Variants in NPC1 observed in about 807,000 individuals in gnomAD.
NPC1 encodes Niemann-Pick C1 protein.
Under a neutral mutation model 140.4 loss-of-function variants are expected in NPC1, and 85 were observed. The ratio of observed to expected loss-of-function variants is 0.61; its 90% CI spans 0.51 to 0.72. The LOEUF (loss-of-function observed/expected upper bound fraction) is 0.72. NPC1 is among the 30% of genes least tolerant of loss of function. The pLI, the probability that NPC1 is intolerant of heterozygous loss-of-function variation, is 0.00. For missense variants in NPC1, 1,504 were observed against 1,623.8 expected (o/e 0.93, Z 1.27); for synonymous variants, 656 against 624.8 (o/e 1.05, Z -0.74).
chr18:23,533,585 A>G, intron 23 of NPC1, 68 bp from the exon 24 acceptor site: 1 of 1,472,248 alleles, frequency 6.8e-7, no homozygotes, highest in Non-Finnish European at 9.5e-7. Context: ...ACACTTCCTT[A>G]CAAGGATTTC....
At chr18:23,524,014 C>A in intron 1 of NPC1, 1 of 1,167,144 alleles carries the variant, frequency 8.6e-7, no homozygotes. Flanking sequence ...TCCTTGACTA[C>A]AATTGAATAA....
chr18:23,556,542 C>T lies in NPC1; in HGVS notation c.1027G>A (p.Gly343Arg). 6.2e-7 allele frequency: 1 copy of T among 1,614,136 alleles called. No individual in the cohort carries two copies. Among genetic ancestry groups the T allele is most frequent in the Non-Finnish European group, 8.5e-7 (1 of 1,180,026 alleles). The change falls in exon 8 of 25, where the codon GGG (glycine) becomes AGG (arginine). Residue 343 changes from glycine (G) to arginine (R), a missense_variant. Coordinates refer to ENST00000269228, the MANE Select transcript of NPC1 (RefSeq NM_000271.5). Reference sequence around the variant, plus strand: ...CCAGGGTTTCGGACGCAGAAAGACCCCCAGCGTGTGAACAGCCGCCTCAAG... The same window carrying T: ...CCAGGGTTTCGGACGCAGAAAGACCTCCAGCGTGTGAACAGCCGCCTCAAG... The part of the protein sequence containing the change: ...GCLRRLFTRW[G>R]SFCVRNPGCV...
At position 23,561,355 on chromosome 18, in the gene NPC1, C is replaced by T; in HGVS notation, c.631+5G>A. 4 of 1,614,122 alleles carry T rather than the reference C, an allele frequency of 2.5e-6. No homozygotes were observed. In the South Asian group the frequency reaches 4.4e-5, roughly 18 times the overall value. ...ACACACCAAACTTGGAATCTTTATA[C>T]CTACCTGAAAACACAGGAGTGATGG... On this transcript the variant is annotated splice_donor_5th_base_variant and intron_variant, in intron 5 of 24. Transcript: ENST00000269228.
rs2145485716 is a variant in NPC1, at chr18:23,561,532, A to G, written c.464-5T>C. The G allele has an allele frequency of 4.3e-6, 7 of 1,613,950 alleles. No homozygotes were observed. In the East Asian group the frequency reaches 1.6e-4, roughly 36 times the overall value. On this transcript the variant is annotated splice_polypyrimidine_tract_variant and splice_region_variant and intron_variant, in intron 4 of 24. Coordinates refer to ENST00000269228, the MANE Select transcript of NPC1 (RefSeq NM_000271.5). ...CCCGGCAGGCATTGTACATTGCTAG[A>G]AGAGGAAACCCAAAGGAAAAAGGAG... is the stretch of plus-strand genomic sequence containing the variant.
intron 1 of NPC1, among the ~76,000 whole-genome samples, chr18:23,523,631 G>A (rs1411573157): frequency 6.6e-6 from 1 of 151,552 alleles, no homozygotes; most frequent in South Asian, 2.1e-4. Flanking sequence ...GCTGAGGCAG[G>A]AGGACCACTT....
downstream of NPC1, among the ~76,000 whole-genome samples, chr18:23,521,098 GC>G (rs2058131130): frequency 6.6e-6 from 1 of 151,940 alleles, no homozygotes; most frequent in African/African-American, 2.4e-5. Context: ...CAGGTGATCC[GC>G]CTGCCTCGCT....
chr18:23,548,247 G>A (rs1200902665), intron 10 of NPC1, 139 bp from the exon 11 acceptor site: 1 of 683,346 alleles, frequency 1.5e-6, no homozygotes, highest in East Asian at 2.7e-5. Flanking sequence ...TTAAACAAGA[G>A]TTTGCTGAAA....
Position 23,539,454 on chromosome 18 carries a change from C to T in NPC1, c.2812G>A (p.Ala938Thr), listed in dbSNP as rs773677561. Reference sequence around the variant, plus strand: ...TAATCGTCGATCCAGGACGAGGGGGCGAAGCCTATTCGGGTACTAGAGAGG... The same window carrying T: ...TAATCGTCGATCCAGGACGAGGGGGTGAAGCCTATTCGGGTACTAGAGAGG... ...QLDNYTRIGF[A>T]PSSWIDDYFD... The change falls in exon 19 of 25, where the codon GCC becomes ACC. Residue 938 changes from alanine (A) to threonine (T), a missense_variant. Transcript: ENST00000269228. 41 of 1,612,720 alleles carry T rather than the reference C, an allele frequency of 2.5e-5. No homozygotes were observed. The highest frequency in any genetic ancestry group is 1.5e-4 in the Admixed American group (9 of 59,936).
intron 3 of NPC1, among the ~76,000 whole-genome samples, chr18:23,513,984 C>G (rs1235306490): frequency 6.6e-6 from 1 of 152,204 alleles, no homozygotes; most frequent in East Asian, 1.9e-4. Context: ...CCTTTCCACT[C>G]TGTGGATTGT....
chr18:23,523,688 C>G (rs536065014), intron 1 of NPC1, among the ~76,000 whole-genome samples: 1 of 151,818 alleles, frequency 6.6e-6, no homozygotes, highest in South Asian at 2.1e-4. Context: ...AACTACTGCA[C>G]TCAAGCCTGG....
downstream of NPC1, chr18:23,528,408 G>A (rs2058372436): frequency 6.5e-6 from 1 of 154,516 alleles, no homozygotes; most frequent in South Asian, 2.0e-4. Flanking sequence ...AATTCCCGCT[G>A]TATTACTTGT....
rs373435628 is a variant in NPC1, at chr18:23,532,240, A to C, written c.3799T>G (p.Tyr1267Asp). 6.2e-7 allele frequency: 1 copy of C among 1,614,094 alleles called. No individual in the cohort carries two copies. The highest frequency in any genetic ancestry group is 1.7e-5 in the Admixed American group (1 of 60,024). ...KAKSCATEER[Y>D]KGTERERLLN... ...AGCCGTTCGCGCTCTGTTCCTTTGT[A>C]TCGCTCTTCAGTGGCACAACTTTTG... is the stretch of plus-strand genomic sequence containing the variant. Residue 1267 changes from tyrosine to aspartate, a missense_variant, in exon 25 of 25, where the codon TAC (tyrosine) becomes GAC (aspartate). Physicochemically the swap from Tyr to Asp is radical, Grantham distance 160 (BLOSUM62 -3). Transcript: ENST00000269228.
At chr18:23,525,622 AC>A (rs1229026443), downstream of NPC1, among the ~76,000 whole-genome samples, 1 of 151,810 alleles carries the variant, frequency 6.6e-6, no homozygotes, top group Non-Finnish European at 1.5e-5. Flanking sequence ...ACGGGGTTTC[AC>A]CATGTTGGCC....
At chr18:23,556,115 T>C in intron 8 of NPC1, 128 bp downstream of exon 8, 2 of 832,310 alleles carry the variant, frequency 2.4e-6, no homozygotes, top group Middle Eastern at 4.5e-4. Flanking sequence ...TTTGCCATTA[T>C]ACGCTAAGAT....
intron 10 of NPC1, among the ~76,000 whole-genome samples, chr18:23,548,962 G>A (rs2058828544): frequency 6.6e-6 from 1 of 151,932 alleles, no homozygotes; most frequent in Non-Finnish European, 1.5e-5. Flanking sequence ...GCTAATTTTT[G>A]TATTTATGTA....
Position 23,554,268 on chromosome 18 carries a change from G to A in NPC1, c.1553+490C>T, listed in dbSNP as rs1285592210. ...CATAGCACTAATCTCTAGCTGGCAC[G>A]ATAGCACATGTTATGTGTTCATCAA... On this transcript the variant is annotated intron_variant, in intron 9 of 24. Transcript: ENST00000269228. Among the ~76,000 whole-genome samples the A allele has an allele frequency of 3.3e-5, 5 of 152,078 alleles. No homozygotes were observed. The South Asian group carries it at 6.2e-4, about 19-fold the overall frequency.
At chr18:23,539,720 T>A in intron 18 of NPC1, 91 bp downstream of exon 18, 1 of 1,409,300 alleles carries the variant, frequency 7.1e-7, no homozygotes, top group Non-Finnish European at 1.0e-6. Flanking sequence ...CAAGAAAGTC[T>A]ATTTTCAGTG....
chr18:23,529,436 G>GC, downstream of NPC1: 1 of 1,405,358 alleles, frequency 7.1e-7, no homozygotes, highest in Non-Finnish European at 9.5e-7. Flanking sequence ...AGGCCCTAGA[G>GC]CTGGTAGTTT....
downstream of NPC1, chr18:23,529,055 GAGAA>G: frequency 1.0e-5 from 15 of 1,454,782 alleles, no homozygotes; most frequent in Non-Finnish European, 1.4e-5. Flanking sequence ...TATCTAAGTA[GAGAA>G]AGTGTTTTCC....
Sources: gnomAD v4.1 joint callset for allele counts (sites outside exome capture counted in the v4.1 genomes callset) on GRCh38, gnomAD v4.1.1 for gene constraint, MANE v1.5 for transcripts, NCBI Gene and HGNC (gene_info 2026-07-23, HGNC 2026-07-21) for gene names.